The following SLC5A1 variants were observed in gnomAD, a reference collection of about 807,000 sequenced individuals.
SLC5A1 encodes the protein solute carrier family 5 member 1, also known as sodium/glucose cotransporter 1.
Under a neutral mutation model 73.5 loss-of-function variants are expected in SLC5A1, and 42 were observed. The ratio of observed to expected loss-of-function variants is 0.57; its 90% CI spans 0.45 to 0.74. SLC5A1 has a LOEUF of 0.74. Among genes scored for constraint, SLC5A1 ranks in the 30% least tolerant of loss-of-function variants. The probability of loss-of-function intolerance (pLI) is 0.00; values close to 1 mark genes in which losing one functional copy is unlikely to be tolerated. For missense variants in SLC5A1, 634 were observed against 855.4 expected (o/e 0.74, Z 3.23); for synonymous variants, 300 against 317.4 (o/e 0.95, Z 0.58).
intron 13 of SLC5A1, among the ~76,000 whole-genome samples, chr22:32,103,745 T>C (rs1290229195): frequency 6.6e-6 from 1 of 152,156 alleles, no homozygotes; most frequent in East Asian, 1.9e-4. Context: ...TCCAAATTAG[T>C]CCACCAAAAA....
chr22:32,109,300 G>A (rs756621382), intron 14 of SLC5A1, among the ~76,000 whole-genome samples: 19 of 152,150 alleles, frequency 1.2e-4, no homozygotes, highest in Non-Finnish European at 2.5e-4. Context: ...GTGGGCATTT[G>A]AAACCAGGTT....
intron 6 of SLC5A1, 33 bp from the exon 7 acceptor site, chr22:32,083,041 G>C (rs200944555): frequency 1.9e-6 from 3 of 1,598,740 alleles, no homozygotes; most frequent in Admixed American, 1.7e-5. Context: ...CCCTCCACAC[G>C]AGGTCAGATG....
At chr22:32,105,020 A>T (rs970909534) in intron 14 of SLC5A1, 129 bp downstream of exon 14, 8 of 738,620 alleles carry the variant, frequency 1.1e-5, no homozygotes, top group Non-Finnish European at 1.9e-5. Context: ...AGTGAGGAGT[A>T]GGGTGGGGAT....
chr22:32,047,247 G>T (rs1026204409), intron 1 of SLC5A1, among the ~76,000 whole-genome samples: 1 of 152,078 alleles, frequency 6.6e-6, no homozygotes, highest in Admixed American at 6.6e-5. Flanking sequence ...TTCCAGAGAA[G>T]AAAAGACTTG....
intron 14 of SLC5A1, among the ~76,000 whole-genome samples, chr22:32,109,490 C>T (rs894401384): frequency 4.6e-5 from 7 of 152,210 alleles, no homozygotes; most frequent in Non-Finnish European, 7.3e-5. Context: ...GCTGTTCAGA[C>T]CAGTTCTTAC....
intron 5 of SLC5A1, among the ~76,000 whole-genome samples, chr22:32,078,922 T>C (rs984511328): frequency 1.5e-5 from 2 of 133,276 alleles, no homozygotes; most frequent in Non-Finnish European, 3.0e-5. Context: ...GCCACTGCAC[T>C]CCAGCCTGGC....
intron 5 of SLC5A1, among the ~76,000 whole-genome samples, chr22:32,074,719 C>T (rs770733539): frequency 1.4e-4 from 22 of 152,162 alleles, no homozygotes; most frequent in Non-Finnish European, 3.1e-4. Flanking sequence ...GAGGCCATGA[C>T]CAACATTATA....
chr22:32,098,581 C>A (rs1013123823), intron 11 of SLC5A1, among the ~76,000 whole-genome samples: 1 of 152,182 alleles, frequency 6.6e-6, no homozygotes, highest in African/African-American at 2.4e-5. Context: ...AAATGAGATT[C>A]TCTTATGGTG....
intron 2 of SLC5A1, among the ~76,000 whole-genome samples, chr22:32,063,391 C>G (rs759133102): frequency 5.9e-5 from 9 of 152,206 alleles, no homozygotes; most frequent in African/African-American, 1.7e-4. Context: ...CCTGCACCAA[C>G]CCTGCCATGA....
chr22:32,102,015 T>G lies in SLC5A1; in HGVS notation c.1450-7T>G. ...AGCATGAGTTAACCCAGGGTTTTCT[T>G]TCACAGGGAGCCTTTTGGGGACTGA... On this transcript the variant is annotated splice_region_variant and splice_polypyrimidine_tract_variant and intron_variant, in intron 12 of 14. Transcript: ENST00000266088. The G allele has an allele frequency of 3.1e-6, 5 of 1,611,804 alleles. No homozygotes were observed. Among genetic ancestry groups the G allele is most frequent in the Non-Finnish European group, 4.2e-6 (5 of 1,177,854 alleles).
At chr22:32,051,301 G>A (rs1399389494) in intron 2 of SLC5A1, among the ~76,000 whole-genome samples, 1 of 152,184 alleles carries the variant, frequency 6.6e-6, no homozygotes, top group East Asian at 1.9e-4. Context: ...GTCTCTGAGA[G>A]TCTCCTCTAT....
intron 10 of SLC5A1, among the ~76,000 whole-genome samples, chr22:32,088,962 T>C (rs2094012540): frequency 6.6e-6 from 1 of 152,238 alleles, no homozygotes; most frequent in Non-Finnish European, 1.5e-5. Context: ...GTTACCCTAG[T>C]CTGATAGACC....
At chr22:32,105,082 A>G (rs538227170) in intron 14 of SLC5A1, among the ~76,000 whole-genome samples, 191 bp downstream of exon 14, 71 of 152,320 alleles carry the variant, frequency 4.7e-4, no homozygotes, top group Non-Finnish European at 7.6e-4. Flanking sequence ...AGGGAAAGAA[A>G]GGGTACAGAA....
At chr22:32,079,799 T>C (rs1211129892) in intron 5 of SLC5A1, among the ~76,000 whole-genome samples, 2 of 152,122 alleles carry the variant, frequency 1.3e-5, no homozygotes, top group South Asian at 2.1e-4. Context: ...ACCAGCATTA[T>C]AAATATTCAT....
intron 7 of SLC5A1, 31 bp from the exon 8 acceptor site, chr22:32,084,408 G>C: frequency 1.3e-6 from 2 of 1,591,406 alleles, no homozygotes; most frequent in Non-Finnish European, 1.7e-6. Flanking sequence ...GAAGGTTTCA[G>C]AATGTTCATT....
intron 5 of SLC5A1, among the ~76,000 whole-genome samples, chr22:32,073,263 GAT>G (rs1422657901): frequency 5.3e-5 from 8 of 152,094 alleles, no homozygotes; most frequent in Admixed American, 5.2e-4. Flanking sequence ...TTCGCATGTG[GAT>G]ATCCAGTTCT....
chr22:32,059,040 ATCTTTACTGAG>A (rs1405143588), intron 2 of SLC5A1: 1 of 914,216 alleles, frequency 1.1e-6, no homozygotes, highest in South Asian at 5.1e-5. Flanking sequence ...CACTCAGCAG[ATCTTTACTGAG>A]TCCTTGCCAT....
intron 6 of SLC5A1, 132 bp downstream of exon 6, chr22:32,082,103 G>A: frequency 2.8e-6 from 2 of 722,696 alleles, no homozygotes; most frequent in Non-Finnish European, 5.0e-6. Flanking sequence ...TTGGGAGTGA[G>A]GTATTTGCTT....
At chr22:32,107,958 T>C (rs988931783) in intron 14 of SLC5A1, among the ~76,000 whole-genome samples, 4 of 152,266 alleles carry the variant, frequency 2.6e-5, no homozygotes, top group African/African-American at 9.6e-5. Context: ...AATGATATGA[T>C]CATAACATGT....
Sources: gnomAD v4.1 joint callset for allele counts (sites outside exome capture counted in the v4.1 genomes callset) on GRCh38, gnomAD v4.1.1 for gene constraint, MANE v1.5 for transcripts, NCBI Gene and HGNC (gene_info 2026-07-23, HGNC 2026-07-21) for gene names.